The following GSTZ1 variants were observed in gnomAD, a reference collection of about 807,000 sequenced individuals.
GSTZ1 encodes the protein glutathione S-transferase zeta 1, also known as maleylacetoacetate isomerase.
GSTZ1 carries 34 observed loss-of-function variants against 35.9 expected under a neutral mutation model. That is an observed-to-expected ratio of 0.95 (90% confidence interval 0.72 to 1.26). The LOEUF (loss-of-function observed/expected upper bound fraction) is 1.26, where lower values mean the gene tolerates loss of function less well. Among genes scored for constraint, GSTZ1 ranks in the 50% most tolerant of loss-of-function variants. The pLI is 0.00. For missense variants in GSTZ1, 263 were observed against 271.7 expected (o/e 0.97, Z 0.23); for synonymous variants, 93 against 101.2 (o/e 0.92, Z 0.49).
rs577661301 is a variant in GSTZ1, at chr14:77,331,234, C to T, written c.*39C>T. On this transcript the variant is annotated 3_prime_UTR_variant, in exon 9 of 9. Transcript: ENST00000216465. ...CCCCGTTGGCACAGGGCCACAGGAG[C>T]AGAAGCTGGGTGGGCTGAAGAGGCC... The T allele has an allele frequency of 1.0e-5, 16 of 1,589,158 alleles. No homozygotes were observed. Among genetic ancestry groups the T allele is most frequent in the Non-Finnish European group, 1.4e-5 (16 of 1,165,340 alleles).
intron 5 of GSTZ1, chr14:77,328,240 C>T (rs533817699): frequency 9.5e-5 from 56 of 588,448 alleles, no homozygotes; most frequent in African/African-American, 9.0e-4. Flanking sequence ...CGCTGCGTTC[C>T]GAGAAGCTCT....
At chr14:77,323,718 G>T (rs982632142) in intron 1 of GSTZ1, 9 of 152,188 alleles carry the variant, frequency 5.9e-5, no homozygotes, top group Admixed American at 5.9e-4. Context: ...AAATTCTGAG[G>T]GCCAGATAGG....
At chr14:77,324,306 C>A in intron 1 of GSTZ1, 1 of 430,662 alleles carries the variant, frequency 2.3e-6, no homozygotes, top group South Asian at 2.4e-5. Flanking sequence ...CCACACCTGG[C>A]TGATTTTTTT....
intron 8 of GSTZ1, among the ~76,000 whole-genome samples, chr14:77,330,740 G>A (rs998394866): frequency 6.6e-6 from 1 of 152,170 alleles, no homozygotes; most frequent in Non-Finnish European, 1.5e-5. Context: ...AAGGCATCAT[G>A]CTAGGCGTTA....
chr14:77,321,279 G>A (rs1891934309), intron 1 of GSTZ1, 96 bp downstream of exon 1: 1 of 1,523,204 alleles, frequency 6.6e-7, no homozygotes, highest in Non-Finnish European at 8.9e-7. Context: ...CGCCCAGGCC[G>A]ACAACGACTC....
Position 77,321,100 on chromosome 14 carries a change from C to A in GSTZ1, c.-69C>A. The A allele has an allele frequency of 3.5e-6, 5 of 1,411,862 alleles. No individual in the cohort carries two copies. The highest frequency in any genetic ancestry group is 4.7e-6 in the Non-Finnish European group (5 of 1,065,768). 87.5% of individuals were successfully genotyped at this position (1,411,862 alleles called of 1,614,324 possible). A position where few individuals can be genotyped will look rare whatever the true frequency, so the allele number is the denominator to read the frequency against. The stretch of plus-strand genomic sequence containing the variant: ...GCCTGATTCGTCGAGTCTCACTGAG[C>A]CTTAGTCGTCGGCAGGTCCCAGGCG... On this transcript the variant is annotated 5_prime_UTR_variant, in exon 1 of 9. Coordinates refer to ENST00000216465, the MANE Select transcript of GSTZ1 (RefSeq NM_145870.3).
At chr14:77,326,565 G>A in intron 2 of GSTZ1, 1 of 422,218 alleles carries the variant, frequency 2.4e-6, no homozygotes, top group Non-Finnish European at 4.4e-6. Flanking sequence ...TCACCATCCA[G>A]GGGGCATGAG....
intron 5 of GSTZ1, chr14:77,328,810 G>A (rs563042036): frequency 1.5e-5 from 6 of 402,984 alleles, no homozygotes; most frequent in Admixed American, 7.2e-5. Context: ...GACAGGCCTC[G>A]AGTTGTGGGC....
At chr14:77,323,569 ACCTCAGGTGATCTGCTGG>A (rs1358075481) in intron 1 of GSTZ1, 3 of 152,156 alleles carry the variant, frequency 2.0e-5, no homozygotes, top group Non-Finnish European at 4.4e-5. Flanking sequence ...CGAACTCCTG[ACCTCAGGTGATCTGCTGG>A]CCTCAGCCTC....
rs7972 is a variant in GSTZ1, at chr14:77,326,894, G to A, written c.124G>A (p.Gly42Arg). The change falls in exon 3 of 9, where the codon GGG becomes AGG. Residue 42 changes from glycine (G) to arginine (R), a missense_variant. Coordinates refer to ENST00000216465, the MANE Select transcript of GSTZ1 (RefSeq NM_145870.3). ...ETVPINLIKDGGQQFSKDFQA... is the reference protein window; with the variant it reads ...ETVPINLIKDRGQQFSKDFQA... ...GGTGCCCATCAATCTCATAAAGGAT[G>A]GGGGCCAACAGGTAAGAAGGCTGTG... 129,313 of 1,600,028 alleles carry A rather than the reference G, an allele frequency of 0.081. 6,542 individuals are homozygous for A. Among genetic ancestry groups the A allele is most frequent in the Non-Finnish European group, 0.089 (104,454 of 1,170,494 alleles).
At chr14:77,329,429 G>A in intron 6 of GSTZ1, 1 of 598,014 alleles carries the variant, frequency 1.7e-6, no homozygotes, top group Admixed American at 2.9e-5. Flanking sequence ...TAGCTGGATG[G>A]CCCAACTTCA....
intron 5 of GSTZ1, chr14:77,328,897 CT>C (rs1237207552): frequency 8.5e-6 from 5 of 584,846 alleles, no homozygotes; most frequent in Non-Finnish European, 1.5e-5. Flanking sequence ...AATCACGTGG[CT>C]TTTTGAGGCC....
intron 1 of GSTZ1, 133 bp downstream of exon 1, chr14:77,321,316 A>C (rs974343174): frequency 1.3e-6 from 2 of 1,529,140 alleles, no homozygotes; most frequent in South Asian, 1.2e-5. Context: ...TGCGCCGGGC[A>C]CGCTCTGCGC....
At chr14:77,321,365 G>A (rs1594815230) in intron 1 of GSTZ1, 182 bp downstream of exon 1, 8 of 1,530,714 alleles carry the variant, frequency 5.2e-6, no homozygotes, top group African/African-American at 2.7e-5. Context: ...TCGAAGTTCC[G>A]GGAGGGTTGG....
chr14:77,326,501 A>C, intron 2 of GSTZ1: 1 of 246,498 alleles, frequency 4.1e-6, no homozygotes. Context: ...GTTAAACACA[A>C]CACAGCCTTG....
In GSTZ1 at chr14:77,321,203, G is replaced by T. The variant is rs1463730908; in HGVS notation, c.15+20G>T. ...GGGAAGGTCTGTGACGCGCACCCGGGTGGAGGGAAGCTGGTTAGACACCTG... is the reference window on the plus strand; with the variant it reads ...GGGAAGGTCTGTGACGCGCACCCGGTTGGAGGGAAGCTGGTTAGACACCTG... On this transcript the variant is annotated intron_variant, in intron 1 of 8. Transcript: ENST00000216465. The T allele has an allele frequency of 2.0e-6, 3 of 1,497,638 alleles. No individual in the cohort carries two copies. The highest frequency in any genetic ancestry group is 1.4e-5 in the African/African-American group (1 of 71,792). The allele number at this position is 1,497,638 out of a possible 1,614,324, so 92.8% of individuals were successfully genotyped here. A position where few individuals can be genotyped will look rare whatever the true frequency, so the allele number is the denominator to read the frequency against.
chr14:77,324,314 T>C, intron 1 of GSTZ1: 1 of 441,660 alleles, frequency 2.3e-6, no homozygotes, highest in Admixed American at 3.4e-5. Context: ...GGCTGATTTT[T>C]TTTTGTATTT....
At chr14:77,329,861 G>A in intron 7 of GSTZ1, 54 bp downstream of exon 7, 1 of 1,328,622 alleles carries the variant, frequency 7.5e-7, no homozygotes, top group Non-Finnish European at 1.1e-6. Flanking sequence ...CCTCCCTCAT[G>A]CTGACCTCCC....
rs1892603919 is a variant in GSTZ1, at chr14:77,331,076, G to T, written c.532G>T (p.Val178Leu). Residue 178 changes from valine (V) to leucine (L), a missense_variant, in exon 9 of 9, where the codon GTG (valine) becomes TTG (leucine). Physicochemically the swap from Val to Leu is conservative, Grantham distance 32. Transcript: ENST00000216465. ...GGTGTTTCTCTACTACAGATTCAAG[G>T]TGGATCTCACCCCCTACCCTACCAT... ...PQVANAERFK[V>L]DLTPYPTISS... 1.2e-6 allele frequency: 2 copies of T among 1,613,714 alleles called. No homozygotes were observed. The highest frequency in any genetic ancestry group is 8.5e-7 in the Non-Finnish European group (1 of 1,179,830).
Sources: allele counts gnomAD v4.1 joint callset (sites outside exome capture counted in the v4.1 genomes callset), GRCh38; gene constraint gnomAD v4.1.1; transcripts MANE v1.5; gene names NCBI Gene and HGNC (gene_info 2026-07-23, HGNC 2026-07-21).